TRHDE: variants seen among roughly 807,000 people sequenced by gnomAD.
TRHDE encodes thyrotropin releasing hormone degrading enzyme.
A neutral mutation model predicts 125.7 loss-of-function variants in TRHDE; 72 were observed. That is an observed-to-expected ratio of 0.57 (90% CI 0.47 to 0.70). The LOEUF is 0.70. TRHDE is among the 30% of genes least tolerant of loss of function. The pLI, the probability that TRHDE is intolerant of heterozygous loss-of-function variation, is 0.00. For missense variants in TRHDE, 1,110 were observed against 1,327.1 expected (o/e 0.84, Z 2.54); for synonymous variants, 509 against 509.1 (o/e 1.00, Z 0.00).
At chr12:72,499,866 TAATC>T (rs1180685363) in intron 6 of TRHDE, among the ~76,000 whole-genome samples, 36 of 152,304 alleles carry the variant, frequency 2.4e-4, no homozygotes, top group South Asian at 8.3e-4. Flanking sequence ...TTGGAAATAT[TAATC>T]AATAAATATT....
At chr12:72,376,787 G>A (rs1238264908) in intron 2 of TRHDE, among the ~76,000 whole-genome samples, 1 of 150,908 alleles carries the variant, frequency 6.6e-6, no homozygotes, top group Non-Finnish European at 1.5e-5. Context: ...AGCTTTATTT[G>A]TTTTTAATTG....
At chr12:72,499,397 T>C in intron 5 of TRHDE, 101 bp from the exon 6 acceptor site, 7 of 1,428,546 alleles carry the variant, frequency 4.9e-6, no homozygotes, top group Middle Eastern at 1.8e-4. Context: ...GGAAGACTGA[T>C]GAACATCAGC....
chr12:72,535,770 T>A (rs1389859790), intron 6 of TRHDE, among the ~76,000 whole-genome samples: 2 of 152,112 alleles, frequency 1.3e-5, no homozygotes, highest in Non-Finnish European at 2.9e-5. Flanking sequence ...CCAAAAGACA[T>A]GCTTCAGGAA....
chr12:72,517,465 G>A (rs1486193543), intron 6 of TRHDE, among the ~76,000 whole-genome samples: 1 of 148,104 alleles, frequency 6.8e-6, no homozygotes, highest in Non-Finnish European at 1.5e-5. Flanking sequence ...ATGGTAGTTT[G>A]TATTTCTGTG....
chr12:72,223,354 A>G (rs978267010), intron 2 of TRHDE, among the ~76,000 whole-genome samples: 2 of 152,096 alleles, frequency 1.3e-5, no homozygotes, highest in African/African-American at 4.8e-5. Context: ...CCCAAGGTTA[A>G]CAGCTCTGAA....
intron 3 of TRHDE, among the ~76,000 whole-genome samples, chr12:72,426,673 G>A (rs548420765): frequency 6.6e-6 from 1 of 151,684 alleles, no homozygotes; most frequent in African/African-American, 2.4e-5. Flanking sequence ...TATATGTTAG[G>A]TAGTGTTATA....
At chr12:72,485,283 G>T (rs369458507) in intron 5 of TRHDE, among the ~76,000 whole-genome samples, 3 of 152,128 alleles carry the variant, frequency 2.0e-5, no homozygotes, top group Non-Finnish European at 2.9e-5. Context: ...TGCTCCAGGG[G>T]TGAGTAGTCA....
intron 1 of TRHDE, among the ~76,000 whole-genome samples, chr12:72,282,277 G>T (rs146195478): frequency 2.0e-5 from 3 of 151,896 alleles, no homozygotes; most frequent in Non-Finnish European, 2.9e-5. Flanking sequence ...GAAATATTTC[G>T]ATTTTTAATT....
intron 2 of TRHDE, among the ~76,000 whole-genome samples, chr12:72,250,438 A>G (rs542207027): frequency 2.0e-5 from 3 of 152,288 alleles, no homozygotes; most frequent in South Asian, 2.1e-4. Context: ...CAGATAATCC[A>G]GCTTTGAGGA....
chr12:72,517,871 C>A (rs1294250580), intron 6 of TRHDE, among the ~76,000 whole-genome samples: 3 of 151,918 alleles, frequency 2.0e-5, no homozygotes, highest in Non-Finnish European at 2.9e-5. Flanking sequence ...TTTCAAAGAA[C>A]ATCTTTATTT....
Position 72,668,304 on chromosome 12 carries a change from G to A in TRHDE, c.*5109G>A, listed in dbSNP as rs1197331212. ...CTGTCTTAAATATTTAATAAAAGCA[G>A]TTGTTAAAAATATATGTTCTAATGT... On this transcript the variant is annotated 3_prime_UTR_variant, in exon 19 of 19. Coordinates refer to ENST00000261180, the MANE Select transcript of TRHDE (RefSeq NM_013381.3). The A allele has an allele frequency of 6.6e-6, 1 of 151,640 alleles. No homozygotes were observed. The highest frequency in any genetic ancestry group is 1.5e-5 in the Non-Finnish European group (1 of 67,718). The allele number at this position is 151,640 out of a possible 1,614,324, so 9.4% of individuals were successfully genotyped here. A position where few individuals can be genotyped will look rare whatever the true frequency, so the allele number is the denominator to read the frequency against.
At chr12:72,458,543 T>A (rs1041781926) in intron 3 of TRHDE, among the ~76,000 whole-genome samples, 9 of 152,114 alleles carry the variant, frequency 5.9e-5, no homozygotes, top group African/African-American at 1.9e-4. Flanking sequence ...TATGTGTTGA[T>A]GACTTCTTAA....
intron 15 of TRHDE, among the ~76,000 whole-genome samples, chr12:72,635,722 G>A (rs1254828679): frequency 6.6e-6 from 1 of 150,730 alleles, no homozygotes; most frequent in Non-Finnish European, 1.5e-5. Flanking sequence ...TCTACATATG[G>A]CTAGCCAGTT....
intron 2 of TRHDE, among the ~76,000 whole-genome samples, chr12:72,330,865 A>G (rs936994323): frequency 6.6e-6 from 1 of 152,160 alleles, no homozygotes; most frequent in African/African-American, 2.4e-5. Context: ...CATGCCTTAG[A>G]TTCACCAGGA....
intron 2 of TRHDE, among the ~76,000 whole-genome samples, chr12:72,214,174 C>T (rs890909602): frequency 6.6e-6 from 1 of 152,096 alleles, no homozygotes; most frequent in South Asian, 2.1e-4. Context: ...TTAGAGAGGG[C>T]ACGAAGGTCT....
chr12:72,489,999 A>G (rs1877588426), intron 5 of TRHDE, among the ~76,000 whole-genome samples: 1 of 151,904 alleles, frequency 6.6e-6, no homozygotes, highest in Admixed American at 6.6e-5. Context: ...AAATGGGACT[A>G]CATCAAACTA....
intron 12 of TRHDE, among the ~76,000 whole-genome samples, chr12:72,601,573 T>C (rs754787897): frequency 1.7e-4 from 26 of 152,144 alleles, no homozygotes; most frequent in Non-Finnish European, 3.4e-4. Flanking sequence ...ACGTCTTCCA[T>C]GAAAGAGTCA....
intron 15 of TRHDE, among the ~76,000 whole-genome samples, chr12:72,640,736 A>G (rs1281194730): frequency 6.6e-6 from 1 of 152,180 alleles, no homozygotes; most frequent in East Asian, 1.9e-4. Flanking sequence ...CTATTTGGCC[A>G]TCTTGGCTCC....
chr12:72,239,715 T>A, intron 2 of TRHDE, among the ~76,000 whole-genome samples: 1 of 152,188 alleles, frequency 6.6e-6, no homozygotes, highest in East Asian at 1.9e-4. Flanking sequence ...CTATTAGATA[T>A]ATTGAGACAT....
Sources: allele counts gnomAD v4.1 joint callset (sites outside exome capture counted in the v4.1 genomes callset), GRCh38; gene constraint gnomAD v4.1.1; transcripts MANE v1.5; gene names NCBI Gene and HGNC (gene_info 2026-07-23, HGNC 2026-07-21).